The following DOCK2 variants were observed in gnomAD, a reference collection of about 807,000 sequenced individuals.
DOCK2 encodes dedicator of cytokinesis 2.
A neutral mutation model predicts 248.9 loss-of-function variants in DOCK2; 87 were observed. The observed-to-expected ratio is 0.35, with a 90% CI of 0.29 to 0.42. The LOEUF (loss-of-function observed/expected upper bound fraction) is 0.42. Among genes scored for constraint, DOCK2 ranks in the 10% least tolerant of loss-of-function variants. The probability of loss-of-function intolerance (pLI) is 1.00; values close to 1 mark genes in which losing one functional copy is unlikely to be tolerated. For synonymous variants in DOCK2, 805 were observed against 821.6 expected, an observed-to-expected ratio of 0.98 and a Z score of 0.35; for missense variants, 1,747 against 2,300.2, an observed-to-expected ratio of 0.76 and a Z score of 4.92.
At chr5:169,732,309 C>A (rs530984599) in intron 22 of DOCK2, among the ~76,000 whole-genome samples, 59 of 152,182 alleles carry the variant, frequency 3.9e-4, no homozygotes, top group African/African-American at 1.4e-3. Flanking sequence ...TTCCTCATAC[C>A]GTTATTTTCT....
At chr5:169,719,957 A>G (rs920367694) in intron 22 of DOCK2, among the ~76,000 whole-genome samples, 4 of 152,164 alleles carry the variant, frequency 2.6e-5, no homozygotes, top group African/African-American at 9.7e-5. Flanking sequence ...GATTGTGATC[A>G]TGACAATGGA....
At chr5:169,695,203 A>G (rs264827) in intron 9 of DOCK2, 62,770 of 152,416 alleles carry the variant, frequency 0.41, 16,614 homozygotes, top group African/African-American at 0.76. Context: ...CTGCCAGCCA[A>G]GGGCCCAGAG....
At chr5:169,782,182 C>T (rs912616892) in intron 25 of DOCK2, among the ~76,000 whole-genome samples, 1 of 152,138 alleles carries the variant, frequency 6.6e-6, no homozygotes, top group Non-Finnish European at 1.5e-5. Context: ...TGTCAGCAAA[C>T]AGCAGACTGG....
intron 29 of DOCK2, among the ~76,000 whole-genome samples, chr5:169,988,177 G>A (rs1416039453): frequency 6.6e-6 from 1 of 152,138 alleles, no homozygotes; most frequent in Non-Finnish European, 1.5e-5. Context: ...TTAGTTCGAA[G>A]ATTTCCTGCA....
At chr5:169,650,223 G>A (rs1188616042) in intron 1 of DOCK2, among the ~76,000 whole-genome samples, 1 of 152,170 alleles carries the variant, frequency 6.6e-6, no homozygotes, top group African/African-American at 2.4e-5. Flanking sequence ...CACACTAGAT[G>A]TTCACATGGA....
At chr5:169,761,934 C>A (rs1764509906) in intron 25 of DOCK2, among the ~76,000 whole-genome samples, 1 of 151,996 alleles carries the variant, frequency 6.6e-6, no homozygotes, top group Non-Finnish European at 1.5e-5. Flanking sequence ...GATAAAGTTC[C>A]TTTTAGTAGA....
Position 169,975,471 on chromosome 5 carries a change from T to TTA in DOCK2, c.2800-7597_2800-7596insTA, listed in dbSNP as rs1214254668. Among the ~76,000 whole-genome samples, 12 of 152,310 alleles carry TTA rather than the reference T, an allele frequency of 7.9e-5. No individual in the cohort carries two copies. The East Asian group carries it at 2.3e-3, about 29-fold the overall frequency. On this transcript the variant is annotated intron_variant, in intron 27 of 51. Transcript: ENST00000520908. ...ACTGCTGCCTGTCTCTCTGACCTCA[T>TTA]CATATACGGAGCCTTCCCTCAGTCA...
At chr5:169,792,733 A>G (rs1766422626) in intron 25 of DOCK2, among the ~76,000 whole-genome samples, 3 of 152,310 alleles carry the variant, frequency 2.0e-5, no homozygotes, top group South Asian at 4.1e-4. Context: ...CAGTCTTCCA[A>G]CAGCCCAAAC....
chr5:169,727,083 A>G (rs1279137288), intron 22 of DOCK2, among the ~76,000 whole-genome samples: 4 of 151,154 alleles, frequency 2.6e-5, no homozygotes, highest in Non-Finnish European at 5.9e-5. Flanking sequence ...AAAAAAAAAG[A>G]AAAAAGAAAG....
At chr5:170,027,062 C>T (rs1299546086) in intron 33 of DOCK2, among the ~76,000 whole-genome samples, 1 of 118,878 alleles carries the variant, frequency 8.4e-6, no homozygotes, top group African/African-American at 3.7e-5. Context: ...CCCCTCTCTG[C>T]TTGCCCTGTA....
chr5:170,052,584 G>A (rs1239786441), intron 41 of DOCK2, among the ~76,000 whole-genome samples: 1 of 152,222 alleles, frequency 6.6e-6, no homozygotes, highest in Non-Finnish European at 1.5e-5. Flanking sequence ...CAAGAAATAT[G>A]TGGGGCAGAG....
intron 32 of DOCK2, among the ~76,000 whole-genome samples, chr5:170,016,966 G>A (rs1456053225): frequency 3.3e-5 from 5 of 152,144 alleles, no homozygotes; most frequent in South Asian, 2.1e-4. Context: ...TAATCCAAAT[G>A]CATCATATAA....
chr5:169,662,370 T>G (rs2113232730), intron 2 of DOCK2, among the ~76,000 whole-genome samples: 1 of 152,346 alleles, frequency 6.6e-6, no homozygotes, highest in Non-Finnish European at 1.5e-5. Flanking sequence ...TAACCCCTTA[T>G]CAGATGTATA....
At chr5:169,771,440 C>T (rs1413804034) in intron 25 of DOCK2, among the ~76,000 whole-genome samples, 1 of 152,012 alleles carries the variant, frequency 6.6e-6, no homozygotes, top group East Asian at 1.9e-4. Flanking sequence ...TGTGCCACCA[C>T]GCCTGGCTAA....
At chr5:169,695,226 CA>C (rs1433605914) in intron 9 of DOCK2, 3 of 152,800 alleles carry the variant, frequency 2.0e-5, no homozygotes, top group Non-Finnish European at 4.4e-5. Flanking sequence ...AGTAAGTAAT[CA>C]GAGCCCCCAC....
intron 29 of DOCK2, 128 bp from the exon 30 acceptor site, chr5:169,995,958 C>A: frequency 1.1e-6 from 1 of 893,222 alleles, no homozygotes; most frequent in East Asian, 2.6e-5. Context: ...TAGCTGACCT[C>A]TCTAAATCAG....
At chr5:170,035,180 C>T (rs1237687701) in intron 35 of DOCK2, among the ~76,000 whole-genome samples, 1 of 152,230 alleles carries the variant, frequency 6.6e-6, no homozygotes, top group Non-Finnish European at 1.5e-5. Context: ...GCCTCTCTCA[C>T]ACGCTCTGTG....
chr5:169,828,417 G>C (rs376795838), intron 26 of DOCK2, among the ~76,000 whole-genome samples: 17 of 152,286 alleles, frequency 1.1e-4, no homozygotes, highest in African/African-American at 4.1e-4. Flanking sequence ...TCCCAGCTTG[G>C]TTTTGGGCCT....
At chr5:169,707,353 G>A (rs1424814835) in intron 14 of DOCK2, among the ~76,000 whole-genome samples, 1 of 152,170 alleles carries the variant, frequency 6.6e-6, no homozygotes, top group Non-Finnish European at 1.5e-5. Flanking sequence ...CATTTCTGCT[G>A]TGTGCCAACT....
Sources: gnomAD v4.1 joint callset for allele counts (sites outside exome capture counted in the v4.1 genomes callset) on GRCh38, gnomAD v4.1.1 for gene constraint, MANE v1.5 for transcripts, NCBI Gene and HGNC (gene_info 2026-07-23, HGNC 2026-07-21) for gene names.